The following ASIC2 variants were observed in gnomAD, a reference collection of about 807,000 sequenced individuals.
The protein encoded by ASIC2 is acid-sensing ion channel 2.
In ASIC2, 25 loss-of-function variants were observed where a neutral mutation model predicts 57.3. The observed-to-expected ratio is 0.44, with a 90% CI of 0.32 to 0.61. The LOEUF (loss-of-function observed/expected upper bound fraction) is 0.61, where lower values mean the gene tolerates loss of function less well. Among genes scored for constraint, ASIC2 ranks in the 20% least tolerant of loss-of-function variants. The probability of loss-of-function intolerance (pLI) is 0.06; values close to 1 mark genes in which losing one functional copy is unlikely to be tolerated. For synonymous variants in ASIC2, 319 were observed against 307.5 expected, an observed-to-expected ratio of 1.04 and a Z score of -0.39; for missense variants, 641 against 738.1, an observed-to-expected ratio of 0.87 and a Z score of 1.52.
At chr17:33,736,627 T>C (rs1033062984) in intron 1 of ASIC2, among the ~76,000 whole-genome samples, 1 of 152,160 alleles carries the variant, frequency 6.6e-6, no homozygotes, top group African/African-American at 2.4e-5. Flanking sequence ...ACAAAAGCAA[T>C]ATAAGCTTAT....
At chr17:33,103,774 C>G (rs887511327) in intron 2 of ASIC2, among the ~76,000 whole-genome samples, 7 of 152,112 alleles carry the variant, frequency 4.6e-5, no homozygotes, top group Non-Finnish European at 1.0e-4. Flanking sequence ...TAGAATTTCC[C>G]TCACCTCCCT....
At chr17:33,176,037 C>T (rs1448425361) in intron 1 of ASIC2, among the ~76,000 whole-genome samples, 2 of 152,184 alleles carry the variant, frequency 1.3e-5, no homozygotes, top group African/African-American at 4.8e-5. Flanking sequence ...TATTCTTATC[C>T]CCTGGCCTCT....
chr17:33,696,506 C>A (rs940676636), intron 1 of ASIC2, among the ~76,000 whole-genome samples: 20 of 152,094 alleles, frequency 1.3e-4, no homozygotes, highest in Non-Finnish European at 2.5e-4. Context: ...CAAAGAAGAC[C>A]GAGGGAGGAT....
intron 3 of ASIC2, among the ~76,000 whole-genome samples, chr17:33,077,968 T>A (rs1291661085): frequency 6.6e-6 from 1 of 152,238 alleles, no homozygotes; most frequent in Non-Finnish European, 1.5e-5. Context: ...AAGTGTCCTC[T>A]ATAGGCCCTT....
At chr17:34,129,690 C>T (rs888762928) in intron 1 of ASIC2, among the ~76,000 whole-genome samples, 1 of 152,190 alleles carries the variant, frequency 6.6e-6, no homozygotes, top group African/African-American at 2.4e-5. Context: ...CTAAGTAGTT[C>T]TATTTCACCA....
At chr17:33,125,637 T>C (rs1272792298) in intron 1 of ASIC2, among the ~76,000 whole-genome samples, 1 of 152,200 alleles carries the variant, frequency 6.6e-6, no homozygotes, top group East Asian at 1.9e-4. Flanking sequence ...GAAATGAAGA[T>C]AAAATAGCTT....
chr17:33,026,628 G>A (rs1015630094), intron 4 of ASIC2, among the ~76,000 whole-genome samples: 1 of 152,184 alleles, frequency 6.6e-6, no homozygotes, highest in Non-Finnish European at 1.5e-5. Context: ...AGTGTCATGG[G>A]TGTGATTGAC....
At chr17:33,927,111 T>C (rs1334040954) in intron 1 of ASIC2, among the ~76,000 whole-genome samples, 4 of 152,118 alleles carry the variant, frequency 2.6e-5, no homozygotes, top group Non-Finnish European at 5.9e-5. Context: ...GTATTTTTAG[T>C]AGAGACAGGG....
intron 1 of ASIC2, among the ~76,000 whole-genome samples, chr17:33,520,859 G>A (rs956497422): frequency 6.6e-6 from 1 of 152,192 alleles, no homozygotes; most frequent in East Asian, 1.9e-4. Flanking sequence ...TTTTGAAATT[G>A]ACATTCAGGC....
At chr17:33,874,497 C>T (rs1176068223) in intron 1 of ASIC2, among the ~76,000 whole-genome samples, 2 of 152,214 alleles carry the variant, frequency 1.3e-5, no homozygotes, top group African/African-American at 4.8e-5. Context: ...TAGTCTGAAG[C>T]CAACCATTCT....
At chr17:33,799,825 G>A (rs1307680823) in intron 1 of ASIC2, among the ~76,000 whole-genome samples, 3 of 152,108 alleles carry the variant, frequency 2.0e-5, no homozygotes, top group Non-Finnish European at 4.4e-5. Context: ...AGATGATAAT[G>A]TGAATGGTGC....
chr17:34,132,099 G>T (rs1021196700), intron 1 of ASIC2, among the ~76,000 whole-genome samples: 2 of 152,198 alleles, frequency 1.3e-5, no homozygotes, highest in Non-Finnish European at 2.9e-5. Context: ...AGAATGTAAA[G>T]CCTGGCTAAC....
chr17:34,010,860 A>G (rs986095688), intron 1 of ASIC2, among the ~76,000 whole-genome samples: 2 of 151,938 alleles, frequency 1.3e-5, no homozygotes, highest in Non-Finnish European at 2.9e-5. Flanking sequence ...GGCTCCTTCA[A>G]TCCACTGCAA....
At chr17:33,577,779 C>T (rs914879399) in intron 1 of ASIC2, among the ~76,000 whole-genome samples, 9 of 152,106 alleles carry the variant, frequency 5.9e-5, no homozygotes, top group African/African-American at 2.2e-4. Context: ...ACACCATGTT[C>T]CACCCGGCCT....
At chr17:34,042,431 A>C (rs774106808) in intron 1 of ASIC2, among the ~76,000 whole-genome samples, 4 of 152,176 alleles carry the variant, frequency 2.6e-5, no homozygotes, top group Non-Finnish European at 5.9e-5. Context: ...AATTATCCCG[A>C]GTAAAAGAAT....
intron 1 of ASIC2, among the ~76,000 whole-genome samples, chr17:33,280,551 A>C (rs1597664143): frequency 6.6e-6 from 1 of 152,222 alleles, no homozygotes; most frequent in African/African-American, 2.4e-5. Context: ...CCTGACCCCC[A>C]AAACTGGTAT....
At chr17:33,456,332 C>G (rs1912451936) in intron 1 of ASIC2, among the ~76,000 whole-genome samples, 1 of 152,072 alleles carries the variant, frequency 6.6e-6, no homozygotes, top group East Asian at 1.9e-4. Flanking sequence ...CCCCCAATAT[C>G]TCTTAGCCTA....
chr17:33,635,739 C>G (rs1906338038), intron 1 of ASIC2, among the ~76,000 whole-genome samples: 1 of 152,196 alleles, frequency 6.6e-6, no homozygotes, highest in Non-Finnish European at 1.5e-5. Flanking sequence ...AATGGGGAAG[C>G]TGAGAACTGA....
intron 1 of ASIC2, among the ~76,000 whole-genome samples, chr17:33,910,465 G>C (rs1490823473): frequency 2.6e-5 from 4 of 152,138 alleles, no homozygotes. Flanking sequence ...TACTTCCTCA[G>C]AGAGGATTTG....
Sources: gnomAD v4.1 joint callset for allele counts (sites outside exome capture counted in the v4.1 genomes callset) on GRCh38, gnomAD v4.1.1 for gene constraint, MANE v1.5 for transcripts, NCBI Gene and HGNC (gene_info 2026-07-23, HGNC 2026-07-21) for gene names.